CNTNAP2: variants seen among roughly 807,000 people sequenced by gnomAD.
The protein encoded by CNTNAP2 is contactin-associated protein-like 2.
CNTNAP2 carries 98 observed loss-of-function variants against 155.2 expected under a neutral mutation model. The observed-to-expected ratio is 0.63, with a 90% CI of 0.54 to 0.75. The LOEUF is 0.75. CNTNAP2 is among the 30% of genes least tolerant of loss of function. The probability of loss-of-function intolerance (pLI) is 0.00; values close to 1 mark genes in which losing one functional copy is unlikely to be tolerated. For synonymous variants in CNTNAP2, 651 were observed against 631.2 expected, an observed-to-expected ratio of 1.03 and a Z score of -0.47; for missense variants, 1,727 against 1,688.1, an observed-to-expected ratio of 1.02 and a Z score of -0.40.
At chr7:147,257,550 C>A (rs1056190025) in intron 8 of CNTNAP2, among the ~76,000 whole-genome samples, 4 of 152,192 alleles carry the variant, frequency 2.6e-5, no homozygotes, top group Admixed American at 2.6e-4. Context: ...ACAAAACACA[C>A]CAAGTTACAA....
At chr7:147,213,570 G>GC (rs893756388) in intron 8 of CNTNAP2, among the ~76,000 whole-genome samples, 30 of 141,702 alleles carry the variant, frequency 2.1e-4, no homozygotes, top group African/African-American at 7.9e-4. Flanking sequence ...TGCCCTCATC[G>GC]CAAAAAAAAA....
At chr7:146,925,945 C>T (rs1490065991) in intron 3 of CNTNAP2, among the ~76,000 whole-genome samples, 1 of 152,102 alleles carries the variant, frequency 6.6e-6, no homozygotes, top group African/African-American at 2.4e-5. Flanking sequence ...CCCTCTACTT[C>T]ATTCTTTTGT....
intron 21 of CNTNAP2, among the ~76,000 whole-genome samples, chr7:148,361,293 A>G (rs191784937): frequency 6.6e-6 from 1 of 152,284 alleles, no homozygotes; most frequent in East Asian, 1.9e-4. Flanking sequence ...CTCTGCCTTC[A>G]TATCTCCTTT....
chr7:147,063,112 C>G (rs1206891306), intron 4 of CNTNAP2, among the ~76,000 whole-genome samples: 2 of 152,166 alleles, frequency 1.3e-5, no homozygotes, highest in Non-Finnish European at 2.9e-5. Flanking sequence ...GAGGAAACGG[C>G]TCCTCCTGAG....
At chr7:148,309,900 G>T (rs1028467492) in intron 21 of CNTNAP2, among the ~76,000 whole-genome samples, 2 of 152,102 alleles carry the variant, frequency 1.3e-5, no homozygotes, top group Non-Finnish European at 2.9e-5. Context: ...AAAATTTTGG[G>T]GGGTGGTATG....
At chr7:147,001,440 A>G (rs1418280168) in intron 3 of CNTNAP2, among the ~76,000 whole-genome samples, 1 of 152,078 alleles carries the variant, frequency 6.6e-6, no homozygotes, top group African/African-American at 2.4e-5. Flanking sequence ...TCAAATGTGA[A>G]TTTATTCAAG....
intron 3 of CNTNAP2, among the ~76,000 whole-genome samples, chr7:146,840,747 G>C (rs1219645195): frequency 6.6e-6 from 1 of 152,108 alleles, no homozygotes; most frequent in African/African-American, 2.4e-5. Flanking sequence ...CACTCTTGTA[G>C]ACTTTGTATT....
intron 3 of CNTNAP2, among the ~76,000 whole-genome samples, chr7:146,910,518 G>C (rs1796249854): frequency 6.6e-6 from 1 of 150,942 alleles, no homozygotes; most frequent in South Asian, 2.1e-4. Context: ...ACAACTATCT[G>C]ATCTTTGACA....
At chr7:146,518,275 G>A (rs1343942473) in intron 1 of CNTNAP2, among the ~76,000 whole-genome samples, 1 of 151,592 alleles carries the variant, frequency 6.6e-6, no homozygotes, top group African/African-American at 2.4e-5. Flanking sequence ...AAGAATACCT[G>A]TAGGAATCAG....
intron 22 of CNTNAP2, among the ~76,000 whole-genome samples, chr7:148,384,924 CAATAATATT>C (rs1204255595): frequency 6.6e-6 from 1 of 152,162 alleles, no homozygotes; most frequent in Admixed American, 6.5e-5. Context: ...AGTTTAGCTA[CAATAATATT>C]AATAATCTAA....
intron 3 of CNTNAP2, among the ~76,000 whole-genome samples, chr7:146,858,399 T>C (rs147745896): frequency 4.1e-4 from 63 of 152,288 alleles, no homozygotes; most frequent in Non-Finnish European, 4.7e-4. Context: ...GGTAAACTGT[T>C]TTAAAAAGTT....
chr7:147,388,799 C>T (rs577249455), intron 9 of CNTNAP2, among the ~76,000 whole-genome samples: 1 of 152,246 alleles, frequency 6.6e-6, no homozygotes, highest in South Asian at 2.1e-4. Context: ...CGAAGCTGGT[C>T]TCAAACTCCT....
At chr7:147,661,560 T>C (rs565056627) in intron 13 of CNTNAP2, among the ~76,000 whole-genome samples, 60 of 151,694 alleles carry the variant, frequency 4.0e-4, no homozygotes, top group Non-Finnish European at 7.4e-4. Flanking sequence ...TTCTTCTTTT[T>C]TTTTTTTTTT....
chr7:148,187,175 G>T (rs12703997), intron 18 of CNTNAP2, among the ~76,000 whole-genome samples: 61,319 of 151,202 alleles, frequency 0.41, 13,506 homozygotes, highest in Non-Finnish European at 0.48. Flanking sequence ...AGCTGGACCT[G>T]TCGGTTTCTA....
chr7:147,337,638 T>C (rs1407335939), intron 9 of CNTNAP2, among the ~76,000 whole-genome samples: 1 of 152,170 alleles, frequency 6.6e-6, no homozygotes, highest in Non-Finnish European at 1.5e-5. Context: ...TCTCTACAAA[T>C]TGTTATCACA....
chr7:146,823,117 A>T (rs1224844917), intron 2 of CNTNAP2, among the ~76,000 whole-genome samples: 3 of 102,492 alleles, frequency 2.9e-5, no homozygotes, highest in Non-Finnish European at 5.7e-5. Flanking sequence ...GCATATTTAC[A>T]TGGAAATATA....
intron 20 of CNTNAP2, among the ~76,000 whole-genome samples, chr7:148,257,325 C>T (rs931408361): frequency 1.3e-5 from 2 of 152,218 alleles, no homozygotes; most frequent in African/African-American, 4.8e-5. Context: ...CCAGGCACCT[C>T]CAGGACCGGC....
chr7:146,537,927 CAT>C (rs1797894522), intron 1 of CNTNAP2, among the ~76,000 whole-genome samples: 1 of 151,976 alleles, frequency 6.6e-6, no homozygotes, highest in Admixed American at 6.6e-5. Context: ...TTTTGGCTGT[CAT>C]GTGATTGATG....
intron 3 of CNTNAP2, among the ~76,000 whole-genome samples, chr7:146,879,183 A>G (rs1303327838): frequency 1.3e-5 from 2 of 152,128 alleles, no homozygotes; most frequent in Non-Finnish European, 2.9e-5. Context: ...CCATCACTGC[A>G]TACTTGATTT....
Sources: gnomAD v4.1 joint callset for allele counts (sites outside exome capture counted in the v4.1 genomes callset) on GRCh38, gnomAD v4.1.1 for gene constraint, MANE v1.5 for transcripts, NCBI Gene and HGNC (gene_info 2026-07-23, HGNC 2026-07-21) for gene names.